Variants in PALS2 observed in about 807,000 individuals in gnomAD.
The protein encoded by PALS2 is protein PALS2.
Under a neutral mutation model 61.6 loss-of-function variants are expected in PALS2, and 27 were observed. The observed-to-expected ratio is 0.44, with a 90% CI of 0.32 to 0.60. PALS2 has a LOEUF of 0.60. PALS2 is among the 20% of genes least tolerant of loss of function. PALS2 has a pLI of 0.05. For synonymous variants in PALS2, 236 were observed against 218.6 expected (o/e 1.08, Z -0.70); for missense variants, 554 against 639.4 (o/e 0.87, Z 1.44).
intron 2 of PALS2, among the ~76,000 whole-genome samples, chr7:24,632,831 TTTG>T (rs368761693): frequency 1.3e-5 from 2 of 152,212 alleles, no homozygotes; most frequent in African/African-American, 4.8e-5. Flanking sequence ...TCTCACTCAT[TTTG>T]TTTTCTCTGC....
rs904421104 is a variant in PALS2 at position 24,618,463 on chromosome 7, A to G, written c.-2-5203A>G. 2.0e-5 allele frequency among the ~76,000 whole-genome samples: 3 copies of G among 152,212 alleles called. No homozygotes were observed. Among genetic ancestry groups the G allele is most frequent in the Admixed American group, 6.5e-5 (1 of 15,280 alleles). The stretch of plus-strand genomic sequence containing the variant: ...GTACTTCAGAAATGGTTCTGGTCTC[A>G]AGGTGATCGGTGACATGCTGCAGCA... On this transcript the variant is annotated intron_variant, in intron 1 of 11. Transcript: ENST00000222644. The surrounding 1 kb of genome is among the most constrained non-coding windows in gnomAD (Gnocchi z 5.1).
At chr7:24,655,649 T>G (rs1000134588) in intron 5 of PALS2, among the ~76,000 whole-genome samples, 2 of 144,502 alleles carry the variant, frequency 1.4e-5, no homozygotes, top group South Asian at 4.6e-4. Context: ...TTTTTTTTTT[T>G]TTTTTGAGAT....
rs1554302487 is a variant in PALS2 at position 24,624,605 on chromosome 7, C to CTTCTTTTTTT, written c.117+823_117+824insCTTTTTTTTT. On this transcript the variant is annotated intron_variant, in intron 2 of 11. Coordinates refer to ENST00000222644, the MANE Select transcript of PALS2 (RefSeq NM_001303037.2). ...GAGTGAATTAATGATGCAGATTCTTCTTTTTTTTTTTTTTTTTTTGAGAGG... is the reference window on the plus strand; with the variant it reads ...GAGTGAATTAATGATGCAGATTCTTCTTCTTTTTTTTTTTTTTTTTTTTTTTTTTGAGAGG... Among the ~76,000 whole-genome samples the CTTCTTTTTTT allele has an allele frequency of 7.4e-3, 635 of 86,292 alleles. 103 individuals are homozygous for CTTCTTTTTTT. The East Asian group carries it at 0.075, about 10-fold the overall frequency. The allele number at this position is 86,292 out of a possible 152,430, so 56.6% of individuals were successfully genotyped here.
At chr7:24,626,021 T>A (rs908043255) in intron 2 of PALS2, among the ~76,000 whole-genome samples, 4 of 152,114 alleles carry the variant, frequency 2.6e-5, no homozygotes, top group African/African-American at 4.8e-5. Context: ...CCACTAATCA[T>A]GAGAAAAACA....
chr7:24,584,654 C>G (rs559224692), intron 1 of PALS2, among the ~76,000 whole-genome samples: 3,879 of 151,298 alleles, frequency 0.026, 59 homozygotes, highest in Non-Finnish European at 0.038. Context: ...TGTGCAGAAG[C>G]TCTTTAGTTT....
chr7:24,588,752 C>G (rs1332350943), intron 1 of PALS2, among the ~76,000 whole-genome samples: 2 of 152,108 alleles, frequency 1.3e-5, no homozygotes, highest in African/African-American at 2.4e-5. Flanking sequence ...CACTGAAATT[C>G]TAGAATGAAA....
intron 1 of PALS2, among the ~76,000 whole-genome samples, chr7:24,579,315 AAC>A (rs760858057): frequency 1.3e-5 from 2 of 152,246 alleles, no homozygotes; most frequent in African/African-American, 4.8e-5. Context: ...TGTTGGTGGA[AAC>A]ACAAATCAAA....
chr7:24,666,222 G>T, intron 8 of PALS2, 133 bp downstream of exon 8: 1 of 695,070 alleles, frequency 1.4e-6, no homozygotes, highest in Admixed American at 2.5e-5. Context: ...GCTGACATAT[G>T]AACACATGGT....
chr7:24,601,362 A>G (rs1783714294), intron 1 of PALS2, among the ~76,000 whole-genome samples: 1 of 151,954 alleles, frequency 6.6e-6, no homozygotes, highest in Non-Finnish European at 1.5e-5. Context: ...CTATAATTCA[A>G]CCCCGAAATC....
intron 3 of PALS2, among the ~76,000 whole-genome samples, chr7:24,644,297 C>T (rs1284570523): frequency 6.6e-6 from 1 of 151,898 alleles, no homozygotes; most frequent in Non-Finnish European, 1.5e-5. Context: ...TCTGTTTTTC[C>T]CTTCTTGTTG....
intron 11 of PALS2, among the ~76,000 whole-genome samples, 196 bp downstream of exon 11, chr7:24,680,716 C>T (rs534630646): frequency 7.8e-4 from 119 of 152,346 alleles, no homozygotes; most frequent in Non-Finnish European, 1.4e-3. Context: ...CTGCCTCAGC[C>T]TCCCAAGTAG....
At chr7:24,591,278 G>A (rs898496256) in intron 1 of PALS2, among the ~76,000 whole-genome samples, 1 of 152,078 alleles carries the variant, frequency 6.6e-6, no homozygotes, top group Admixed American at 6.6e-5. Context: ...AATTTAAAAA[G>A]CATAGTCTTT....
chr7:24,677,407 T>C (rs958698211), intron 9 of PALS2, among the ~76,000 whole-genome samples: 17 of 151,944 alleles, frequency 1.1e-4, no homozygotes, highest in Non-Finnish European at 2.2e-4. Flanking sequence ...TCCAACACTA[T>C]GTTGAATAGG....
intron 1 of PALS2, among the ~76,000 whole-genome samples, chr7:24,601,775 TA>T (rs1009612109): frequency 2.6e-5 from 4 of 152,134 alleles, no homozygotes; most frequent in Admixed American, 2.6e-4. Flanking sequence ...GAAATGTTTT[TA>T]AAGGCATCAT....
intron 1 of PALS2, among the ~76,000 whole-genome samples, chr7:24,587,458 A>G (rs557662117): frequency 2.0e-5 from 3 of 151,968 alleles, no homozygotes; most frequent in African/African-American, 4.8e-5. Context: ...GCTCACTGCA[A>G]CCTTAAATTT....
chr7:24,585,333 T>C (rs552846240), intron 1 of PALS2, among the ~76,000 whole-genome samples: 16 of 152,228 alleles, frequency 1.1e-4, no homozygotes. Flanking sequence ...TCCTCTTTTA[T>C]TTCGTTGAGC....
intron 11 of PALS2, among the ~76,000 whole-genome samples, chr7:24,684,428 GCTTCT>G (rs1788092768): frequency 6.6e-6 from 1 of 152,124 alleles, no homozygotes; most frequent in African/African-American, 2.4e-5. Context: ...ATTCAACTTG[GCTTCT>G]GAGTCTTTTT....
chr7:24,641,666 T>C (rs1324019594), intron 2 of PALS2, 50 bp from the exon 3 acceptor site: 3 of 1,437,360 alleles, frequency 2.1e-6, no homozygotes, highest in Admixed American at 4.7e-5. Context: ...CATGGTCTGG[T>C]GCAAATAACA....
At chr7:24,623,411 G>A (rs866086944) in intron 1 of PALS2, among the ~76,000 whole-genome samples, 10 of 151,986 alleles carry the variant, frequency 6.6e-5, no homozygotes, top group South Asian at 6.2e-4. Context: ...CAAGTGCAAG[G>A]TTGTAAGTAT....
Sources: allele counts gnomAD v4.1 joint callset (sites outside exome capture counted in the v4.1 genomes callset), GRCh38; gene constraint gnomAD v4.1.1; non-coding constraint Gnocchi (gnomAD v3.1); transcripts MANE v1.5; gene names NCBI Gene and HGNC (gene_info 2026-07-23, HGNC 2026-07-21).